Variants in MTA1 observed in about 807,000 individuals in gnomAD.
MTA1 encodes metastasis associated 1, also known as metastasis-associated protein MTA1.
A neutral mutation model predicts 97.0 loss-of-function variants in MTA1; 15 were observed. The observed-to-expected ratio is 0.15, with a 90% CI of 0.10 to 0.24. The LOEUF is 0.24. MTA1 is among the 10% of genes least tolerant of loss of function. The pLI is 1.00. For synonymous variants in MTA1, 435 were observed against 417.5 expected (o/e 1.04, Z -0.51); for missense variants, 709 against 1,015.1 (o/e 0.70, Z 4.10).
Position 105,470,352 on chromosome 14 carries a change from G to C in MTA1, c.*137G>C. The C allele has an allele frequency of 1.5e-6, 1 of 664,300 alleles. No individual in the cohort carries two copies. 41.2% of individuals were successfully genotyped at this position (664,300 alleles called of 1,614,324 possible). A position where few individuals can be genotyped will look rare whatever the true frequency, so the allele number is the denominator to read the frequency against. On this transcript the variant is annotated 3_prime_UTR_variant, in exon 21 of 21. Transcript: ENST00000331320. ...CCTGCAGAGAAACGCGCTCCTTGGC[G>C]GACACTGGGGGAGGAGAGGAAGAAG...
intron 7 of MTA1, among the ~76,000 whole-genome samples, chr14:105,456,599 C>T (rs924490530): frequency 7.9e-5 from 12 of 152,220 alleles, no homozygotes; most frequent in Admixed American, 7.2e-4. Flanking sequence ...AGGCTGTGTC[C>T]CTCTTGAGTG....
intron 2 of MTA1, among the ~76,000 whole-genome samples, chr14:105,441,656 T>A (rs141186266): frequency 1.4e-3 from 214 of 151,996 alleles, no homozygotes; most frequent in African/African-American, 4.9e-3. Context: ...TAGCCGGGCG[T>A]GGTGGCGGGC....
intron 18 of MTA1, 50 bp downstream of exon 18, chr14:105,466,792 C>G: frequency 6.5e-7 from 1 of 1,542,882 alleles, no homozygotes; most frequent in Non-Finnish European, 8.8e-7. Context: ...GCCCGTGATG[C>G]CTGTGCTGTG....
At chr14:105,425,990 G>A (rs1408833563) in intron 1 of MTA1, among the ~76,000 whole-genome samples, 4 of 152,082 alleles carry the variant, frequency 2.6e-5, no homozygotes, top group Non-Finnish European at 4.4e-5. Flanking sequence ...TCCCTGGGGC[G>A]GGCCTCAGCA....
intron 3 of MTA1, among the ~76,000 whole-genome samples, chr14:105,448,857 T>C (rs7140643): frequency 0.99 from 151,131 of 152,382 alleles, 74,954 homozygotes; most frequent in Middle Eastern, 1. Flanking sequence ...CTGGGGACCT[T>C]GGGCTCAGAG....
chr14:105,428,192 A>AG (rs2141417361), intron 1 of MTA1, among the ~76,000 whole-genome samples: 2 of 151,968 alleles, frequency 1.3e-5, no homozygotes, highest in African/African-American at 4.8e-5. Flanking sequence ...CTTCTCCCCC[A>AG]GCTCCCAGCA....
intron 1 of MTA1, among the ~76,000 whole-genome samples, chr14:105,432,264 G>A (rs968119133): frequency 5.9e-5 from 9 of 151,826 alleles, no homozygotes; most frequent in Non-Finnish European, 1.0e-4. Context: ...TTTTTGAGAC[G>A]GAGTCTTGCT....
rs1364882225 is a variant in MTA1, at chr14:105,420,083, A to G, written c.28+20A>G. 6.6e-6 allele frequency: 7 copies of G among 1,059,206 alleles called. No individual in the cohort carries two copies. The highest frequency in any genetic ancestry group is 8.0e-6 in the Non-Finnish European group (7 of 873,426). 65.6% of individuals were successfully genotyped at this position (1,059,206 alleles called of 1,614,324 possible). ...TCGGAGGTAAGGCCGCACCGCCTTT[A>G]TGCCCGGCCCCGACCCGCCCGCAGC... On this transcript the variant is annotated intron_variant, in intron 1 of 20. Transcript: ENST00000331320. The surrounding 1 kb of genome is among the most constrained non-coding windows in gnomAD (Gnocchi z 5.3).
At chr14:105,421,595 C>G (rs1473473652) in intron 1 of MTA1, among the ~76,000 whole-genome samples, 1 of 152,216 alleles carries the variant, frequency 6.6e-6, no homozygotes, top group Non-Finnish European at 1.5e-5. Context: ...GGCTGCATTG[C>G]TCGGCCTTCA....
intron 6 of MTA1, among the ~76,000 whole-genome samples, chr14:105,453,276 G>A (rs781848729): frequency 6.6e-6 from 1 of 152,266 alleles, no homozygotes; most frequent in Non-Finnish European, 1.5e-5. Flanking sequence ...CTCCTCCAAG[G>A]TTGTGCCCAG....
In MTA1 at chr14:105,454,393, C is replaced by G. The variant is rs1021164399; in HGVS notation, c.550+83C>G. 9.3e-5 allele frequency: 91 copies of G among 983,416 alleles called. 1 individual carries two copies. Among genetic ancestry groups the G allele is most frequent in the Middle Eastern group, 2.8e-4 (1 of 3,624 alleles). 60.9% of individuals were successfully genotyped at this position (983,416 alleles called of 1,614,324 possible). A position where few individuals can be genotyped will look rare whatever the true frequency, so the allele number is the denominator to read the frequency against. ...CACACTGGGTGAGAGGAGGCTGGGA[C>G]ATGGCCGTGTCAGTGATTCATGTGT... On this transcript the variant is annotated intron_variant, in intron 7 of 20. Transcript: ENST00000331320.
Position 105,463,210 on chromosome 14 carries a change from C to T in MTA1, c.969C>T (p.Ile323=), listed in dbSNP as rs1555431467. 6.2e-7 allele frequency: 1 copy of T among 1,611,722 alleles called. No individual in the cohort carries two copies. Among genetic ancestry groups the T allele is most frequent in the South Asian group, 1.1e-5 (1 of 91,068 alleles). Residue 323 remains isoleucine (I), a synonymous_variant, in exon 11 of 21, where the codon ATC becomes ATT. Transcript: ENST00000331320. The surrounding 1 kb of genome is among the most constrained non-coding windows in gnomAD (Gnocchi z 5.9). ...TCCCGTGGAAGTCGCTGACCAGCAT[C>T]ATTGAGTACTACTACATGTGGAAGA... ...DFLPWKSLTS[I]IEYYYMWKTT... is the part of the protein sequence containing the mutation.
At chr14:105,454,666 G>A in intron 7 of MTA1, 1 of 185,282 alleles carries the variant, frequency 5.4e-6, no homozygotes, top group Non-Finnish European at 1.2e-5. Context: ...GAGTGCAGTG[G>A]GGTGATCTCG....
At chr14:105,437,054 C>A (rs1555424526) in intron 1 of MTA1, among the ~76,000 whole-genome samples, 1 of 152,262 alleles carries the variant, frequency 6.6e-6, no homozygotes, top group Non-Finnish European at 1.5e-5. Context: ...CCCCTCTGGG[C>A]TCTCCATGCT....
chr14:105,469,444 T>G, intron 18 of MTA1, 23 bp from the exon 19 acceptor site: 1 of 1,612,708 alleles, frequency 6.2e-7, no homozygotes, highest in South Asian at 1.1e-5. Flanking sequence ...GGGGCCTCAT[T>G]TCTCTCCTCC....
chr14:105,460,296 G>A (rs587772332), intron 8 of MTA1, 62 bp from the exon 9 acceptor site: 15 of 1,442,152 alleles, frequency 1.0e-5, no homozygotes, highest in South Asian at 4.0e-5. Context: ...CCTGGGGAGC[G>A]GTGTGCCTGT....
chr14:105,437,914 G>A (rs76922974), intron 1 of MTA1, among the ~76,000 whole-genome samples: 2,100 of 152,322 alleles, frequency 0.014, 40 homozygotes, highest in African/African-American at 0.046. Flanking sequence ...TCTGGGCTCC[G>A]GAAGGTTCCG....
At chr14:105,439,291 C>T (rs2082429618) in intron 2 of MTA1, among the ~76,000 whole-genome samples, 1 of 152,222 alleles carries the variant, frequency 6.6e-6, no homozygotes, top group Non-Finnish European at 1.5e-5. Flanking sequence ...TCAGGCAGCC[C>T]TTGCTCCCAC....
rs782530467 is a variant in MTA1 at position 105,445,429 on chromosome 14, G to C, written c.108G>C (p.Gly36=). 2 of 1,613,802 alleles carry C rather than the reference G, an allele frequency of 1.2e-6. No individual in the cohort carries two copies. Among genetic ancestry groups the C allele is most frequent in the South Asian group, 2.2e-5 (2 of 91,066 alleles). Residue 36 remains glycine, a synonymous_variant, in exon 3 of 21, where the codon GGG becomes GGC. Transcript: ENST00000331320. The stretch of plus-strand genomic sequence containing the variant: ...CCTTGCTGTTACAGACGGCCAATGG[G>C]AACGTGGAGGCCAAAGTGGTGTGCT... ...RIEELNKTAN[G]NVEAKVVCFY... is the part of the protein sequence containing the mutation.
Sources: gnomAD v4.1 joint callset for allele counts (sites outside exome capture counted in the v4.1 genomes callset) on GRCh38, gnomAD v4.1.1 for gene constraint, Gnocchi (gnomAD v3.1) non-coding constraint, MANE v1.5 for transcripts, NCBI Gene and HGNC (gene_info 2026-07-23, HGNC 2026-07-21) for gene names.